Variants in CHRM2 observed in about 807,000 individuals in gnomAD.
CHRM2 encodes the protein cholinergic receptor muscarinic 2.
A neutral mutation model predicts 25.0 loss-of-function variants in CHRM2; 8 were observed. That is an observed-to-expected ratio of 0.32 (90% CI 0.19 to 0.58). CHRM2 has a LOEUF of 0.58. CHRM2 is among the 20% of genes least tolerant of loss of function. The pLI is 0.88. For missense variants in CHRM2, 440 were observed against 567.1 expected (o/e 0.78, Z 2.28); for synonymous variants, 202 against 205.7 (o/e 0.98, Z 0.15).
intron 2 of CHRM2, among the ~76,000 whole-genome samples, chr7:136,921,621 T>G (rs902514923): frequency 6.6e-6 from 1 of 152,062 alleles, no homozygotes; most frequent in Non-Finnish European, 1.5e-5. Flanking sequence ...ACTGCAATAC[T>G]CTTGCTATTA....
chr7:136,872,706 T>C (rs1392958238), intron 2 of CHRM2, among the ~76,000 whole-genome samples: 4 of 152,174 alleles, frequency 2.6e-5, no homozygotes, highest in African/African-American at 9.7e-5. Context: ...AGGAGTCCTA[T>C]GTCTCTCTGA....
intron 2 of CHRM2, among the ~76,000 whole-genome samples, chr7:136,972,305 T>C (rs1314670729): frequency 6.6e-6 from 1 of 152,224 alleles, no homozygotes. Context: ...TTCTGGTATC[T>C]CTGTTCATTT....
intron 3 of CHRM2, among the ~76,000 whole-genome samples, chr7:137,004,509 T>G (rs776191830): frequency 7.9e-5 from 12 of 152,066 alleles, no homozygotes; most frequent in Non-Finnish European, 8.8e-5. Context: ...AGTCTCACAC[T>G]AAGGGTGTTG....
At chr7:136,901,080 A>G (rs183450742) in intron 2 of CHRM2, among the ~76,000 whole-genome samples, 1 of 152,252 alleles carries the variant, frequency 6.6e-6, no homozygotes, top group East Asian at 1.9e-4. Flanking sequence ...ACAGTAATTG[A>G]GAACGGAGTT....
chr7:136,960,906 A>G (rs1230711645), intron 2 of CHRM2, among the ~76,000 whole-genome samples: 1 of 152,172 alleles, frequency 6.6e-6, no homozygotes, highest in Non-Finnish European at 1.5e-5. Flanking sequence ...TGGGCAGACC[A>G]CTTGAGGTCA....
chr7:136,938,998 T>A (rs556568337), intron 2 of CHRM2, among the ~76,000 whole-genome samples: 14 of 137,302 alleles, frequency 1.0e-4, no homozygotes, highest in Admixed American at 3.2e-4. Flanking sequence ...TTAATATAAT[T>A]CCAATTCTAA....
chr7:136,966,261 T>A (rs987720744), intron 2 of CHRM2, among the ~76,000 whole-genome samples: 15 of 152,084 alleles, frequency 9.9e-5, no homozygotes, highest in African/African-American at 2.9e-4. Flanking sequence ...CTGATATTGT[T>A]TTATTCATTT....
chr7:136,992,934 C>A lies in CHRM2; in HGVS notation c.-47+670C>A, dbSNP rs527609929. 3.3e-5 allele frequency among the ~76,000 whole-genome samples: 5 copies of A among 152,200 alleles called. No homozygotes were observed. In the South Asian group the frequency reaches 1.0e-3, roughly 32 times the overall value. Reference sequence around the variant, plus strand: ...TCAAGGTTTCAACTGATGGATGAGGCCCTGCATTATTAAGAAAAATCTCAT... The same window carrying A: ...TCAAGGTTTCAACTGATGGATGAGGACCTGCATTATTAAGAAAAATCTCAT... On this transcript the variant is annotated intron_variant, in intron 3 of 3. Transcript: ENST00000680005.
rs548186131 is a variant in CHRM2, at chr7:136,881,614, T to A, written c.-125+12196T>A. ...TTTCATCTTCCTTTAACCCACCATA[T>A]CCTCATTTCAGTACTTAGAAAAGAG... On this transcript the variant is annotated intron_variant, in intron 2 of 3. Coordinates refer to ENST00000680005, the MANE Select transcript of CHRM2 (RefSeq NM_001006630.2). Among the ~76,000 whole-genome samples the A allele has an allele frequency of 3.3e-5, 5 of 152,194 alleles. No individual in the cohort carries two copies. The South Asian group carries it at 8.3e-4, about 25-fold the overall frequency.
chr7:136,979,263 GT>G (rs1171302452), intron 2 of CHRM2, among the ~76,000 whole-genome samples: 23 of 152,296 alleles, frequency 1.5e-4, no homozygotes, highest in Admixed American at 1.5e-3. Context: ...AAAAGTGTCT[GT>G]TGATATCCTT....
chr7:136,976,595 A>T (rs1250763332), intron 2 of CHRM2, among the ~76,000 whole-genome samples: 2 of 152,134 alleles, frequency 1.3e-5, no homozygotes, highest in Non-Finnish European at 2.9e-5. Flanking sequence ...TGAGTTTGTT[A>T]TTTGTAGGAC....
intron 2 of CHRM2, among the ~76,000 whole-genome samples, chr7:136,934,083 T>C (rs1799272919): frequency 6.6e-6 from 1 of 152,158 alleles, no homozygotes; most frequent in Admixed American, 6.5e-5. Context: ...AGCAAGTGAA[T>C]AGGATGGTTT....
rs34410846 is a variant in CHRM2 at position 136,966,184 on chromosome 7, AT to A, written c.-124-25992del. 9.8e-4 allele frequency among the ~76,000 whole-genome samples: 146 copies of A among 149,268 alleles called. 1 individual carries two copies. Among genetic ancestry groups the A allele is most frequent in the African/African-American group, 3.3e-3 (134 of 41,042 alleles). ...GCTCCTAAATGTTTGTCTTCTGCAA[AT>A]TTTTTTTTTTAATTAGTGAGTTTAC... On this transcript the variant is annotated intron_variant, in intron 2 of 3. Coordinates refer to ENST00000680005, the MANE Select transcript of CHRM2 (RefSeq NM_001006630.2).
intron 2 of CHRM2, among the ~76,000 whole-genome samples, chr7:136,921,365 A>T (rs1220346237): frequency 2.0e-5 from 3 of 152,034 alleles, no homozygotes; most frequent in African/African-American, 7.2e-5. Flanking sequence ...CATTTCAATC[A>T]TCCAAACCCG....
chr7:136,944,051 A>T (rs2130827360), intron 2 of CHRM2, among the ~76,000 whole-genome samples: 1 of 152,274 alleles, frequency 6.6e-6, no homozygotes, highest in East Asian at 1.9e-4. Flanking sequence ...CTGCACTAAT[A>T]GGACCAAAAT....
chr7:136,970,738 T>TA (rs1248854034), intron 2 of CHRM2, among the ~76,000 whole-genome samples: 1 of 152,172 alleles, frequency 6.6e-6, no homozygotes, highest in Non-Finnish European at 1.5e-5. Context: ...TCCTAAAACT[T>TA]ACATGTCAAT....
At chr7:136,903,683 C>T (rs1426511848) in intron 2 of CHRM2, among the ~76,000 whole-genome samples, 1 of 151,750 alleles carries the variant, frequency 6.6e-6, no homozygotes, top group Non-Finnish European at 1.5e-5. Flanking sequence ...AAATAATACG[C>T]CTTCTGTTTT....
At chr7:136,928,976 T>C (rs1798900513) in intron 2 of CHRM2, among the ~76,000 whole-genome samples, 3 of 152,178 alleles carry the variant, frequency 2.0e-5, no homozygotes. Context: ...TAAAGCGCTG[T>C]AAATGATGTT....
At chr7:136,985,556 C>G (rs1802803971) in intron 2 of CHRM2, among the ~76,000 whole-genome samples, 1 of 146,330 alleles carries the variant, frequency 6.8e-6, no homozygotes, top group Non-Finnish European at 1.5e-5. Context: ...TCTGAAATAT[C>G]CTGAGTCATG....
Sources: gnomAD v4.1 joint callset for allele counts (sites outside exome capture counted in the v4.1 genomes callset) on GRCh38, gnomAD v4.1.1 for gene constraint, MANE v1.5 for transcripts, NCBI Gene and HGNC (gene_info 2026-07-23, HGNC 2026-07-21) for gene names.